Variants in NRXN3 observed in about 807,000 individuals in gnomAD.
The protein encoded by NRXN3 is neurexin 3.
In NRXN3, 32 loss-of-function variants were observed where a neutral mutation model predicts 137.6. The observed-to-expected ratio is 0.23, with a 90% confidence interval of 0.18 to 0.31. NRXN3 has a LOEUF of 0.31. Among genes scored for constraint, NRXN3 ranks in the 10% least tolerant of loss-of-function variants. NRXN3 has a pLI of 1.00. For synonymous variants in NRXN3, 798 were observed against 784.5 expected, an observed-to-expected ratio of 1.02 and a Z score of -0.29; for missense variants, 1,574 against 2,062.5, an observed-to-expected ratio of 0.76 and a Z score of 4.59.
chr14:78,930,628 A>G (rs937561752), intron 10 of NRXN3, among the ~76,000 whole-genome samples: 1 of 152,156 alleles, frequency 6.6e-6, no homozygotes, highest in Admixed American at 6.5e-5. Flanking sequence ...ATTTTTATAT[A>G]CTTTTATCTG....
intron 4 of NRXN3, among the ~76,000 whole-genome samples, chr14:78,501,284 T>G (rs1315100545): frequency 2.0e-5 from 3 of 152,128 alleles, no homozygotes; most frequent in East Asian, 1.9e-4. Flanking sequence ...ATCCTAAGGG[T>G]CGACTGGCAA....
At chr14:79,677,509 G>A (rs1472768315) in intron 17 of NRXN3, among the ~76,000 whole-genome samples, 1 of 151,954 alleles carries the variant, frequency 6.6e-6, no homozygotes, top group Non-Finnish European at 1.5e-5. Context: ...ATTTTTTTCT[G>A]TGGTATGGGT....
chr14:79,436,585 A>G (rs1295843048), intron 15 of NRXN3, among the ~76,000 whole-genome samples: 1 of 152,068 alleles, frequency 6.6e-6, no homozygotes, highest in Non-Finnish European at 1.5e-5. Context: ...AAATCCCCAC[A>G]TTAGTAGCGG....
chr14:79,131,658 G>A (rs1424999435), intron 15 of NRXN3, among the ~76,000 whole-genome samples: 2 of 152,230 alleles, frequency 1.3e-5, no homozygotes, highest in African/African-American at 2.4e-5. Context: ...CCCCAGAGGT[G>A]GAGCCTACAG....
intron 15 of NRXN3, among the ~76,000 whole-genome samples, chr14:79,124,046 A>T (rs2152930557): frequency 6.6e-6 from 1 of 152,266 alleles, no homozygotes; most frequent in East Asian, 1.9e-4. Context: ...CGTCTGAAAA[A>T]TGTAGCACCT....
chr14:79,099,086 T>C (rs921376592), intron 15 of NRXN3, among the ~76,000 whole-genome samples: 11 of 152,154 alleles, frequency 7.2e-5, no homozygotes, highest in African/African-American at 2.7e-4. Flanking sequence ...GTAACCAGTT[T>C]CTGAGCTAAA....
At chr14:78,860,582 T>A (rs1450604286) in intron 10 of NRXN3, among the ~76,000 whole-genome samples, 1 of 152,188 alleles carries the variant, frequency 6.6e-6, no homozygotes, top group Non-Finnish European at 1.5e-5. Flanking sequence ...ACAACTAGGA[T>A]GCATTTTTTA....
intron 10 of NRXN3, among the ~76,000 whole-genome samples, chr14:78,926,928 A>T (rs1178721685): frequency 6.0e-5 from 2 of 33,330 alleles, no homozygotes; most frequent in Non-Finnish European, 8.5e-5. Flanking sequence ...ATAATATATA[A>T]TATATTTATA....
In NRXN3 at chr14:79,261,829, G is replaced by C. The variant is rs1456007511; in HGVS notation, c.3263-205392G>C. 2.6e-5 allele frequency among the ~76,000 whole-genome samples: 4 copies of C among 152,230 alleles called. No individual in the cohort carries two copies. The East Asian group carries it at 7.7e-4, about 29-fold the overall frequency. ...GGATAGAAGAAGTGAGGATGGGAGA[G>C]GGTACCGAGGAGGGGCTCTGGGACT... On this transcript the variant is annotated intron_variant, in intron 15 of 20. Transcript: ENST00000335750.
In NRXN3 at chr14:79,548,902, T is replaced by C. The variant is rs572095587; in HGVS notation, c.3444+81500T>C. Among the ~76,000 whole-genome samples, 7 of 152,300 alleles carry C rather than the reference T, an allele frequency of 4.6e-5. No individual in the cohort carries two copies. In the East Asian group the frequency reaches 1.4e-3, roughly 30 times the overall value. The stretch of plus-strand genomic sequence containing the variant: ...TTGCACTGCACAGAATGGACCATTT[T>C]GGAGACTTTCAAAGACAGTTTTGAC... On this transcript the variant is annotated intron_variant, in intron 16 of 20. Coordinates refer to ENST00000335750, the MANE Select transcript of NRXN3 (RefSeq NM_001330195.2).
rs572544975 is a variant in NRXN3, at chr14:79,773,341, C to T, written c.4015-31771C>T. 4.6e-3 allele frequency among the ~76,000 whole-genome samples: 706 copies of T among 152,068 alleles called. 5 individuals carry two copies. The highest frequency in any genetic ancestry group is 0.016 in the African/African-American group (677 of 41,458). On this transcript the variant is annotated intron_variant, in intron 19 of 20. Transcript: ENST00000335750. ...GACACATGCACACGTATGTTTATTG[C>T]GGCATTATTCACAACAGCAAAGACT...
chr14:78,925,022 G>A (rs142765554), intron 10 of NRXN3, among the ~76,000 whole-genome samples: 215 of 152,280 alleles, frequency 1.4e-3, no homozygotes, highest in Middle Eastern at 3.4e-3. Flanking sequence ...AATAGCAATG[G>A]CAAACAAGAA....
chr14:79,652,426 C>T (rs532664028), intron 16 of NRXN3, among the ~76,000 whole-genome samples: 4 of 147,462 alleles, frequency 2.7e-5, no homozygotes, highest in South Asian at 2.1e-4. Flanking sequence ...AAGCTCTGAC[C>T]GGCTTCCAGA....
At chr14:78,966,955 G>A (rs914815203) in intron 12 of NRXN3, among the ~76,000 whole-genome samples, 1 of 152,148 alleles carries the variant, frequency 6.6e-6, no homozygotes, top group Admixed American at 6.6e-5. Context: ...TGTACAACCT[G>A]TGCTACTTTG....
intron 19 of NRXN3, among the ~76,000 whole-genome samples, chr14:79,719,402 G>GTATATATATATGTGTATATATA (rs2098836138): frequency 7.0e-6 from 1 of 142,280 alleles, no homozygotes; most frequent in African/African-American, 2.7e-5. Flanking sequence ...ATATATGTGT[G>GTATATATATATGTGTATATATA]TATATATATA....
At chr14:78,281,784 C>T (rs190675726) in intron 3 of NRXN3, among the ~76,000 whole-genome samples, 308 of 152,324 alleles carry the variant, frequency 2.0e-3, no homozygotes, top group African/African-American at 5.9e-3. Context: ...GCTTCAGTAA[C>T]TTGCCCAGGT....
At chr14:78,180,920 A>G (rs1338174958) in intron 1 of NRXN3, among the ~76,000 whole-genome samples, 1 of 152,238 alleles carries the variant, frequency 6.6e-6, no homozygotes, top group African/African-American at 2.4e-5. Flanking sequence ...TGAAATCACC[A>G]TATTAAAATT....
chr14:78,177,155 G>A (rs2059350088), intron 1 of NRXN3, among the ~76,000 whole-genome samples: 1 of 152,186 alleles, frequency 6.6e-6, no homozygotes, highest in African/African-American at 2.4e-5. Flanking sequence ...CTGGGAGCCT[G>A]TCACTTCTCC....
chr14:79,260,502 C>T (rs902049781), intron 15 of NRXN3, among the ~76,000 whole-genome samples: 3 of 152,240 alleles, frequency 2.0e-5, no homozygotes, highest in African/African-American at 4.8e-5. Flanking sequence ...CACCCCCATC[C>T]GCACAGCCAC....
Sources: gnomAD v4.1 joint callset for allele counts (sites outside exome capture counted in the v4.1 genomes callset) on GRCh38, gnomAD v4.1.1 for gene constraint, MANE v1.5 for transcripts, NCBI Gene and HGNC (gene_info 2026-07-23, HGNC 2026-07-21) for gene names.